The following USH2A variants were observed in gnomAD, a reference collection of about 807,000 sequenced individuals.
USH2A encodes the protein Usher syndrome 2A (autosomal recessive, mild).
Under a neutral mutation model 538.9 loss-of-function variants are expected in USH2A, and 443 were observed. The observed-to-expected ratio is 0.82, with a 90% CI of 0.76 to 0.89. The LOEUF (loss-of-function observed/expected upper bound fraction) is 0.89, where lower values mean the gene tolerates loss of function less well. USH2A is among the 40% of genes least tolerant of loss of function. USH2A has a pLI of 0.00. For missense variants in USH2A, 6,633 were observed against 6,324.8 expected (o/e 1.05, Z -1.65); for synonymous variants, 2,413 against 2,273.5 (o/e 1.06, Z -1.75).
At chr1:216,071,829 C>T (rs1435412961) in intron 29 of USH2A, among the ~76,000 whole-genome samples, 2 of 152,152 alleles carry the variant, frequency 1.3e-5, no homozygotes, top group East Asian at 3.8e-4. Flanking sequence ...TTTCTCTTAG[C>T]TCTGAAGTTG....
At chr1:216,137,537 G>C (rs594719) in intron 21 of USH2A, among the ~76,000 whole-genome samples, 110,141 of 152,066 alleles carry the variant, frequency 0.72, 40,789 homozygotes, top group Non-Finnish European at 0.8. Flanking sequence ...AGACCGAGGA[G>C]CAAGGAGAGC....
At chr1:215,651,664 GAA>G (rs200850767) in intron 64 of USH2A, among the ~76,000 whole-genome samples, 4 of 127,964 alleles carry the variant, frequency 3.1e-5, no homozygotes, top group East Asian at 2.2e-4. Context: ...ATGCAGTATT[GAA>G]AAAAAAAAAA....
chr1:215,663,640 T>C (rs1478677586), intron 64 of USH2A, among the ~76,000 whole-genome samples: 2 of 152,098 alleles, frequency 1.3e-5, no homozygotes, highest in African/African-American at 4.8e-5. Context: ...AGTCCTCTGT[T>C]CTCTTGGTTC....
intron 3 of USH2A, 96 bp from the exon 4 acceptor site, chr1:216,365,181 TCTTTA>T (rs752200985): frequency 3.6e-5 from 51 of 1,414,316 alleles, no homozygotes; most frequent in East Asian, 1.2e-4. Context: ...CTTTCTTTCT[TCTTTA>T]CTTTGTTCAG....
intron 3 of USH2A, among the ~76,000 whole-genome samples, chr1:216,401,126 G>A (rs1228576073): frequency 2.0e-5 from 3 of 152,032 alleles, no homozygotes; most frequent in African/African-American, 7.2e-5. Flanking sequence ...ACTGTATGTA[G>A]GGGAAACACT....
chr1:215,982,963 T>G (rs370082967), intron 35 of USH2A, among the ~76,000 whole-genome samples: 22 of 152,168 alleles, frequency 1.4e-4, no homozygotes, highest in African/African-American at 4.8e-4. Context: ...ATTTATTTAT[T>G]TATTGAGATG....
In USH2A at chr1:215,796,569, A is replaced by G. The variant is rs1026648841; in HGVS notation, c.9958+2338T>C. 5.8e-4 allele frequency among the ~76,000 whole-genome samples: 88 copies of G among 152,168 alleles called. 1 individual carries two copies. The highest frequency in any genetic ancestry group is 3.9e-4 in the East Asian group (2 of 5,174). ...GCGTCCTGTGTGTTCTGACTGTTTC[A>G]CAGACCAGCCGTTCCTTTATCTTTC... On this transcript the variant is annotated intron_variant, in intron 50 of 71. Coordinates refer to ENST00000307340, the MANE Select transcript of USH2A (RefSeq NM_206933.4).
At chr1:215,820,328 A>C (rs1466889121) in intron 47 of USH2A, among the ~76,000 whole-genome samples, 1 of 151,422 alleles carries the variant, frequency 6.6e-6, no homozygotes, top group Non-Finnish European at 1.5e-5. Context: ...AACATTGTGG[A>C]TTATACTTTG....
chr1:215,842,983 A>T (rs1320271916), intron 46 of USH2A, among the ~76,000 whole-genome samples: 1 of 152,174 alleles, frequency 6.6e-6, no homozygotes, highest in Non-Finnish European at 1.5e-5. Context: ...AAATACATTT[A>T]AATGAAAAAA....
At chr1:216,091,105 T>A (rs1046957404) in intron 22 of USH2A, among the ~76,000 whole-genome samples, 2 of 152,188 alleles carry the variant, frequency 1.3e-5, no homozygotes, top group Admixed American at 6.5e-5. Context: ...TAGAATATCA[T>A]TTTTTGAAGA....
chr1:215,909,760 G>A (rs1213712675), intron 38 of USH2A, among the ~76,000 whole-genome samples: 3 of 151,928 alleles, frequency 2.0e-5, no homozygotes, highest in Non-Finnish European at 4.4e-5. Flanking sequence ...ACTGGGAGAA[G>A]CACAAATGAA....
At chr1:216,153,035 C>T (rs955689194) in intron 21 of USH2A, among the ~76,000 whole-genome samples, 7 of 152,124 alleles carry the variant, frequency 4.6e-5, no homozygotes, top group Non-Finnish European at 7.3e-5. Flanking sequence ...GATTGGCCGC[C>T]GGATGCCCAA....
chr1:215,829,604 A>G (rs1011228386), intron 47 of USH2A, among the ~76,000 whole-genome samples: 4 of 152,236 alleles, frequency 2.6e-5, no homozygotes, highest in African/African-American at 9.6e-5. Context: ...TTTTAAAACC[A>G]AAATAGAAAC....
At chr1:215,814,141 TATATA>T (rs937078868) in intron 48 of USH2A, among the ~76,000 whole-genome samples, 32 of 148,224 alleles carry the variant, frequency 2.2e-4, no homozygotes, top group East Asian at 3.9e-4. Context: ...ATTATAATAC[TATATA>T]ATATAATATG....
chr1:216,245,265 C>T (rs1337058072), intron 13 of USH2A, among the ~76,000 whole-genome samples: 3 of 152,078 alleles, frequency 2.0e-5, no homozygotes, highest in African/African-American at 7.2e-5. Context: ...TTTATAAGTA[C>T]GTGACACCCC....
intron 9 of USH2A, among the ~76,000 whole-genome samples, chr1:216,314,694 A>C (rs148252492): frequency 1.3e-3 from 202 of 152,320 alleles, no homozygotes; most frequent in African/African-American, 4.6e-3. Flanking sequence ...TTATATAAAA[A>C]GTTTCAAGCT....
At chr1:215,916,714 G>A (rs1328303895) in intron 38 of USH2A, among the ~76,000 whole-genome samples, 4 of 152,036 alleles carry the variant, frequency 2.6e-5, no homozygotes, top group Non-Finnish European at 5.9e-5. Context: ...TATAATAGGA[G>A]TAATATAGAA....
At chr1:216,251,306 G>C (rs1327787566) in intron 11 of USH2A, among the ~76,000 whole-genome samples, 1 of 151,820 alleles carries the variant, frequency 6.6e-6, no homozygotes, top group African/African-American at 2.4e-5. Flanking sequence ...ACCCATAGAA[G>C]TTAGTCGTAT....
Position 216,196,579 on chromosome 1 carries a change from G to A in USH2A, c.4225C>T (p.Gln1409Ter). ...TGTGAAAACGCCATGGGAATAGACT[G>A]TTGAGGTGATTGTTCAGAAAGCATA... ...INMLSEQSPQQSIPMAFSQLL... is the reference protein window; with the variant it reads ...INMLSEQSPQ The change falls in exon 19 of 72, where the codon CAG (glutamine) becomes TAG (stop). Residue 1409 changes from glutamine to a stop codon, truncating the protein, a stop_gained. Transcript: ENST00000307340. LOFTEE classifies it high-confidence loss of function. 6.2e-7 allele frequency: 1 copy of A among 1,613,538 alleles called. No individual in the cohort carries two copies. The highest frequency in any genetic ancestry group is 1.1e-5 in the South Asian group (1 of 91,076).
Sources: gnomAD v4.1 joint callset for allele counts (sites outside exome capture counted in the v4.1 genomes callset) on GRCh38, gnomAD v4.1.1 for gene constraint, MANE v1.5 for transcripts, NCBI Gene and HGNC (gene_info 2026-07-23, HGNC 2026-07-21) for gene names.